Variants in PDE1C observed in about 807,000 individuals in gnomAD.
PDE1C encodes the protein phosphodiesterase 1C.
A neutral mutation model predicts 93.1 loss-of-function variants in PDE1C; 62 were observed. That is an observed-to-expected ratio of 0.67 (90% CI 0.54 to 0.82). PDE1C has a LOEUF of 0.82. Among genes scored for constraint, PDE1C ranks in the 40% least tolerant of loss-of-function variants. PDE1C has a pLI of 0.00. For synonymous variants in PDE1C, 325 were observed against 310.1 expected, an observed-to-expected ratio of 1.05 and a Z score of -0.50; for missense variants, 742 against 884.6, an observed-to-expected ratio of 0.84 and a Z score of 2.04.
the PDE1C span, among the ~76,000 whole-genome samples, chr7:31,681,583 C>A: frequency 6.6e-6 from 1 of 152,124 alleles, no homozygotes; most frequent in Admixed American, 6.5e-5. Flanking sequence ...ACCCAATGCA[C>A]CTTCTTGTGA....
chr7:32,286,087 G>A (rs1811981145), intron 1 of PDE1C, among the ~76,000 whole-genome samples: 1 of 152,204 alleles, frequency 6.6e-6, no homozygotes, highest in Non-Finnish European at 1.5e-5. Context: ...GAAGGAATGA[G>A]CGGTTGTTTG....
chr7:31,632,882 A>G, the PDE1C span, among the ~76,000 whole-genome samples: 11 of 150,900 alleles, frequency 7.3e-5, no homozygotes, highest in Non-Finnish European at 1.6e-4. Flanking sequence ...TTATTTATTT[A>G]TTCATTCATT....
At chr7:32,218,472 C>T (rs769152950) in intron 1 of PDE1C, among the ~76,000 whole-genome samples, 1 of 152,190 alleles carries the variant, frequency 6.6e-6, no homozygotes, top group Non-Finnish European at 1.5e-5. Context: ...AGGATGGCTC[C>T]CTGGCTCGTG....
downstream of PDE1C, among the ~76,000 whole-genome samples, chr7:31,746,880 G>A (rs530834710): frequency 3.9e-5 from 6 of 152,174 alleles, no homozygotes; most frequent in Non-Finnish European, 8.8e-5. Flanking sequence ...TAACTGATGA[G>A]AGGTGGGGAA....
At chr7:32,142,199 G>T (rs907673298) in intron 3 of PDE1C, among the ~76,000 whole-genome samples, 32 of 152,194 alleles carry the variant, frequency 2.1e-4, no homozygotes, top group African/African-American at 6.7e-4. Context: ...GAAGGGGGAA[G>T]GAGGAGGAAA....
chr7:31,793,164 G>A (rs1194267640), intron 16 of PDE1C, among the ~76,000 whole-genome samples: 1 of 152,026 alleles, frequency 6.6e-6, no homozygotes, highest in East Asian at 1.9e-4. Context: ...GGTAAGTGCA[G>A]ATGCTGTATA....
chr7:32,131,277 G>A (rs1245484359), intron 3 of PDE1C, among the ~76,000 whole-genome samples: 2 of 152,062 alleles, frequency 1.3e-5, no homozygotes, highest in Non-Finnish European at 2.9e-5. Context: ...CCAGACAGAC[G>A]TTTTTGCCAG....
At chr7:31,881,398 A>C (rs1365971168) in intron 2 of PDE1C, among the ~76,000 whole-genome samples, 1 of 152,206 alleles carries the variant, frequency 6.6e-6, no homozygotes, top group East Asian at 1.9e-4. Flanking sequence ...CTCTGAGAGG[A>C]GATAAATACC....
chr7:31,757,734 T>G (rs1048692320), intron 17 of PDE1C, among the ~76,000 whole-genome samples: 6 of 152,240 alleles, frequency 3.9e-5, no homozygotes, highest in African/African-American at 1.2e-4. Flanking sequence ...TGGAAGACAG[T>G]GTGGCAATTC....
chr7:31,826,148 A>T (rs747077007), intron 12 of PDE1C, among the ~76,000 whole-genome samples: 35 of 152,310 alleles, frequency 2.3e-4, no homozygotes, highest in Non-Finnish European at 4.4e-4. Flanking sequence ...AACCGGAAGG[A>T]AACTAAATAT....
At chr7:31,862,262 G>C (rs1332404850) in intron 7 of PDE1C, among the ~76,000 whole-genome samples, 1 of 152,074 alleles carries the variant, frequency 6.6e-6, no homozygotes, top group African/African-American at 2.4e-5. Flanking sequence ...CTTCCCATTG[G>C]TCTCTTCTAT....
At chr7:32,280,532 C>T (rs1405891298) in intron 1 of PDE1C, among the ~76,000 whole-genome samples, 8 of 151,996 alleles carry the variant, frequency 5.3e-5, no homozygotes, top group Admixed American at 3.3e-4. Context: ...AATACATTGA[C>T]GATACATATG....
intron 3 of PDE1C, among the ~76,000 whole-genome samples, chr7:32,130,982 G>A (rs750985990): frequency 6.6e-6 from 1 of 151,972 alleles, no homozygotes; most frequent in Admixed American, 6.6e-5. Flanking sequence ...CCTGTTTCAT[G>A]TTCCCTTTAG....
chr7:32,173,973 G>C (rs1802819282), intron 2 of PDE1C, among the ~76,000 whole-genome samples: 1 of 152,110 alleles, frequency 6.6e-6, no homozygotes, highest in Non-Finnish European at 1.5e-5. Context: ...TGTCTATCAA[G>C]AGAAAATTAA....
intron 1 of PDE1C, among the ~76,000 whole-genome samples, chr7:32,398,313 A>AG (rs1784876295): frequency 6.7e-6 from 1 of 149,780 alleles, no homozygotes; most frequent in Non-Finnish European, 1.5e-5. Context: ...AAAAAAAAAA[A>AG]AAAGAAAAAG....
At chr7:31,739,198 T>TAC in the PDE1C span, among the ~76,000 whole-genome samples, 5 of 51,274 alleles carry the variant, frequency 9.8e-5, no homozygotes, top group Admixed American at 1.3e-3. Context: ...CAGTAACTTT[T>TAC]AGACACACAC....
At chr7:31,943,101 G>T (rs1483723069) in intron 2 of PDE1C, among the ~76,000 whole-genome samples, 1 of 152,138 alleles carries the variant, frequency 6.6e-6, no homozygotes, top group African/African-American at 2.4e-5. Flanking sequence ...CATACTAGGG[G>T]TACCTCCTGG....
intron 1 of PDE1C, among the ~76,000 whole-genome samples, chr7:32,242,296 C>T (rs1287179479): frequency 1.3e-5 from 2 of 152,066 alleles, no homozygotes; most frequent in African/African-American, 2.4e-5. Context: ...TTCAAGAATT[C>T]GGAGTTCCCA....
At chr7:32,379,423 CA>C (rs1784491782) in intron 1 of PDE1C, among the ~76,000 whole-genome samples, 2 of 152,206 alleles carry the variant, frequency 1.3e-5, no homozygotes, top group Non-Finnish European at 2.9e-5. Flanking sequence ...GATAAAAAAG[CA>C]AGACCATTGT....
Sources: gnomAD v4.1 joint callset for allele counts (sites outside exome capture counted in the v4.1 genomes callset) on GRCh38, gnomAD v4.1.1 for gene constraint, MANE v1.5 for transcripts, NCBI Gene and HGNC (gene_info 2026-07-23, HGNC 2026-07-21) for gene names.